Variants in TG observed in about 807,000 individuals in gnomAD.
TG encodes the protein thyroglobulin, also known as thyroid hormones.
Under a neutral mutation model 324.7 loss-of-function variants are expected in TG, and 270 were observed. The ratio of observed to expected loss-of-function variants is 0.83; its 90% CI spans 0.75 to 0.92. TG has a LOEUF of 0.92. TG is among the 40% of genes least tolerant of loss of function. The pLI is 0.00. For synonymous variants in TG, 1,401 were observed against 1,327.0 expected (o/e 1.06, Z -1.21); for missense variants, 3,591 against 3,456.4 (o/e 1.04, Z -0.98).
chr8:132,996,335 G>T (rs1377858677), intron 35 of TG, among the ~76,000 whole-genome samples: 1 of 152,090 alleles, frequency 6.6e-6, no homozygotes, highest in Non-Finnish European at 1.5e-5. Flanking sequence ...ATTTACTGAG[G>T]TTTTGTAGTA....
At position 132,933,564 on chromosome 8, in the gene TG, G is replaced by A; in HGVS notation, c.4820G>A (p.Cys1607Tyr). 2 of 1,613,934 alleles carry A rather than the reference G, an allele frequency of 1.2e-6. No individual in the cohort carries two copies. The highest frequency in any genetic ancestry group is 1.7e-6 in the Non-Finnish European group (2 of 1,179,926). ...EFPVMQCLTD[C>Y]TEDEACSFFT... ...GACCGTCCCATGGTGCTTGCAGATT[G>A]CACAGAGGACGAGGCCTGCAGCTTC... is the stretch of plus-strand genomic sequence containing the variant. The change falls in exon 24 of 48, where the codon TGC becomes TAC. Residue 1607 changes from cysteine (C) to tyrosine (Y), a missense_variant. Cys to Tyr is a radical substitution (Grantham distance 194, BLOSUM62 -2). Transcript: ENST00000220616.
intron 29 of TG, among the ~76,000 whole-genome samples, chr8:132,963,998 G>A (rs1056918389): frequency 6.6e-6 from 1 of 151,946 alleles, no homozygotes; most frequent in Admixed American, 6.6e-5. Context: ...CAACCACTTG[G>A]CACAGTGCCT....
At chr8:132,882,098 T>G (rs1431197465) in intron 6 of TG, 129 bp downstream of exon 6, 5 of 698,086 alleles carry the variant, frequency 7.2e-6, no homozygotes, top group Non-Finnish European at 1.2e-5. Context: ...CTGTGGGCAT[T>G]GAGGAGGACA....
intron 41 of TG, among the ~76,000 whole-genome samples, chr8:133,081,290 T>A (rs1845704248): frequency 6.6e-6 from 1 of 152,244 alleles, no homozygotes; most frequent in African/African-American, 2.4e-5. Context: ...TCCGTAACTA[T>A]CCCTCAGTAA....
At chr8:132,947,403 G>C (rs745658122) in intron 26 of TG, among the ~76,000 whole-genome samples, 2 of 152,058 alleles carry the variant, frequency 1.3e-5, no homozygotes, top group Non-Finnish European at 2.9e-5. Flanking sequence ...GACCTGGAAG[G>C]CCACTTAAAA....
At chr8:132,962,002 C>A (rs1421066669) in intron 28 of TG, among the ~76,000 whole-genome samples, 1 of 151,996 alleles carries the variant, frequency 6.6e-6, no homozygotes, top group Non-Finnish European at 1.5e-5. Flanking sequence ...GGGTAACGTG[C>A]GATACAGACG....
intron 27 of TG, among the ~76,000 whole-genome samples, chr8:132,953,763 G>A (rs754764432): frequency 2.0e-5 from 3 of 152,166 alleles, no homozygotes; most frequent in Non-Finnish European, 4.4e-5. Flanking sequence ...GTTGACATGT[G>A]TTCTCCAGAG....
intron 35 of TG, among the ~76,000 whole-genome samples, chr8:133,007,510 T>A (rs1394209653): frequency 4.6e-5 from 7 of 152,042 alleles, no homozygotes; most frequent in Admixed American, 3.3e-4. Context: ...AGACTGAGTA[T>A]TTTAGTGGAG....
intron 29 of TG, among the ~76,000 whole-genome samples, chr8:132,964,200 G>A (rs1240923440): frequency 6.6e-6 from 1 of 152,000 alleles, no homozygotes; most frequent in Non-Finnish European, 1.5e-5. Flanking sequence ...CTACTTTAGG[G>A]CTACTTTAGG....
Position 133,011,932 on chromosome 8 carries a change from C to T in TG, c.6294C>T (p.Leu2098=), listed in dbSNP as rs989598447. 1.5e-5 allele frequency: 25 copies of T among 1,614,088 alleles called. No homozygotes were observed. The highest frequency in any genetic ancestry group is 2.0e-5 in the Non-Finnish European group (24 of 1,180,050). The change falls in exon 36 of 48, where the codon CTC becomes CTT. Residue 2098 remains leucine (L), a synonymous_variant. Coordinates refer to ENST00000220616, the MANE Select transcript of TG (RefSeq NM_003235.5). ...VSLDSWQSLA[L]SSVVVDPSIR... ...TGGACTCGTGGCAGTCCCTGGCCCT[C>T]TCTTCAGTGGTTGTTGATCCATCCA...
intron 25 of TG, among the ~76,000 whole-genome samples, chr8:132,937,533 C>T (rs561918638): frequency 2.1e-5 from 3 of 145,968 alleles, no homozygotes; most frequent in Non-Finnish European, 3.0e-5. Context: ...TAGGGTCACT[C>T]GGATCTCTCT....
intron 41 of TG, among the ~76,000 whole-genome samples, chr8:133,040,837 C>T (rs919795092): frequency 1.3e-5 from 2 of 152,144 alleles, no homozygotes; most frequent in Admixed American, 6.5e-5. Flanking sequence ...AAAGAGAATG[C>T]AGACAAAGAA....
At chr8:132,894,895 G>A (rs962912937) in intron 11 of TG, among the ~76,000 whole-genome samples, 1 of 152,230 alleles carries the variant, frequency 6.6e-6, no homozygotes, top group Non-Finnish European at 1.5e-5. Flanking sequence ...CTTTGCAAAT[G>A]GGGAAATGGA....
intron 34 of TG, among the ~76,000 whole-genome samples, chr8:132,973,535 A>T (rs886067870): frequency 2.0e-5 from 3 of 152,042 alleles, no homozygotes; most frequent in African/African-American, 7.3e-5. Flanking sequence ...GTTTGTTCCA[A>T]CTCTGCCATC....
chr8:133,109,519 C>G (rs1460867767), intron 43 of TG, among the ~76,000 whole-genome samples: 3 of 152,158 alleles, frequency 2.0e-5, no homozygotes, highest in Non-Finnish European at 4.4e-5. Context: ...CAGCCTAGTT[C>G]TCAGGAGTCA....
intron 40 of TG, among the ~76,000 whole-genome samples, chr8:133,027,526 G>A (rs1403634097): frequency 1.3e-5 from 2 of 152,172 alleles, no homozygotes; most frequent in Non-Finnish European, 1.5e-5. Flanking sequence ...CAGAGGGGGC[G>A]GCCCCTGGGC....
rs750765107 is a variant in TG at position 132,901,522 on chromosome 8, G to A, written c.3603G>A (p.Thr1201=). The A allele has an allele frequency of 2.0e-5, 32 of 1,613,610 alleles. No homozygotes were observed. The highest frequency in any genetic ancestry group is 2.2e-5 in the East Asian group (1 of 44,896). ...ACAGCGGAGAAGAGGTGCCTGGGAC[G>A]CGCGTGACCGGGGGCCAGCCCGCCT... The part of the protein sequence containing the change: ...VMDSGEEVPG[T]RVTGGQPACE... The change falls in exon 16 of 48, where the codon ACG becomes ACA. Residue 1201 remains threonine (T), a synonymous_variant. Coordinates refer to ENST00000220616, the MANE Select transcript of TG (RefSeq NM_003235.5).
chr8:132,884,967 G>A (rs1181062832), intron 8 of TG, among the ~76,000 whole-genome samples: 1 of 152,196 alleles, frequency 6.6e-6, no homozygotes, highest in Non-Finnish European at 1.5e-5. Flanking sequence ...ATTAAAAGAG[G>A]CCATGGCCTC....
intron 25 of TG, among the ~76,000 whole-genome samples, chr8:132,936,837 T>G (rs1170396929): frequency 1.3e-5 from 2 of 152,222 alleles, no homozygotes; most frequent in Non-Finnish European, 2.9e-5. Context: ...GACCTGTGGT[T>G]CCTTCATAGC....
Sources: gnomAD v4.1 joint callset for allele counts (sites outside exome capture counted in the v4.1 genomes callset) on GRCh38, gnomAD v4.1.1 for gene constraint, MANE v1.5 for transcripts, NCBI Gene and HGNC (gene_info 2026-07-23, HGNC 2026-07-21) for gene names.